Variants in UBXN4 observed in about 807,000 individuals in gnomAD.
UBXN4 encodes the protein UBX domain protein 4, also known as UBX domain-containing protein 4.
UBXN4 carries 35 observed loss-of-function variants against 66.2 expected under a neutral mutation model. That is an observed-to-expected ratio of 0.53 (90% confidence interval 0.40 to 0.70). The LOEUF (loss-of-function observed/expected upper bound fraction) is 0.70. Ranked by LOEUF, UBXN4 falls within the 30% of genes least tolerant of loss-of-function variation. UBXN4 has a pLI of 0.00. For missense variants in UBXN4, 533 were observed against 599.8 expected (o/e 0.89, Z 1.16); for synonymous variants, 203 against 204.5 (o/e 0.99, Z 0.06).
At chr2:135,774,772 G>T (rs969278999) in intron 9 of UBXN4, among the ~76,000 whole-genome samples, 1 of 151,920 alleles carries the variant, frequency 6.6e-6, no homozygotes, top group African/African-American at 2.4e-5. Flanking sequence ...TTGAACCAGG[G>T]AGGCGGAGGT....
Position 135,783,160 on chromosome 2 carries a change from TTTAG to T in UBXN4, c.*275_*278del, listed in dbSNP as rs930567725. 3.7e-6 allele frequency: 1 copy of T among 268,424 alleles called. No homozygotes were observed. Among genetic ancestry groups the T allele is most frequent in the African/African-American group, 2.2e-5 (1 of 45,916 alleles). The allele number at this position is 268,424 out of a possible 1,614,324, so 16.6% of individuals were successfully genotyped here. On this transcript the variant is annotated 3_prime_UTR_variant, in exon 13 of 13. Coordinates refer to ENST00000272638, the MANE Select transcript of UBXN4 (RefSeq NM_014607.4). The stretch of plus-strand genomic sequence containing the variant: ...ACAGCCTGCCTCCATCAGCTTCTTA[TTTAG>T]TATTTCATATGCCCATTAGCCCTAT...
Position 135,741,915 on chromosome 2 carries a change from G to T in UBXN4, c.-15G>T. 1 of 1,609,728 alleles carries T rather than the reference G, an allele frequency of 6.2e-7. No homozygotes were observed. The highest frequency in any genetic ancestry group is 8.5e-7 in the Non-Finnish European group (1 of 1,178,372). ...AGACTACACACCGAGCGAGCGCCTG[G>T]GCCCGAAGGGAGCGATGCTGTGGTT... On this transcript the variant is annotated 5_prime_UTR_variant, in exon 1 of 13. Transcript: ENST00000272638.
chr2:135,755,757 T>C (rs2077275954), intron 5 of UBXN4, 66 bp downstream of exon 5: 2 of 992,864 alleles, frequency 2.0e-6, no homozygotes, highest in South Asian at 4.5e-5. Context: ...TATTTAAATA[T>C]TAATATTTTA....
At position 135,755,735 on chromosome 2, in the gene UBXN4, A is replaced by G. The variant is rs778637201; in HGVS notation, c.508+44A>G. 4.1e-6 allele frequency: 5 copies of G among 1,222,716 alleles called. No individual in the cohort carries two copies. The South Asian group carries it at 1.1e-4, about 26-fold the overall frequency. 75.7% of individuals were successfully genotyped at this position (1,222,716 alleles called of 1,614,324 possible). On this transcript the variant is annotated intron_variant, in intron 5 of 12. Transcript: ENST00000272638. ...TTTTGAGTGCAATAGAAGCTCCTTC[A>G]CTACATTTTAATATTTAAATATTAA...
At chr2:135,772,776 C>T (rs934293936) in intron 9 of UBXN4, among the ~76,000 whole-genome samples, 5 of 150,490 alleles carry the variant, frequency 3.3e-5, no homozygotes, top group African/African-American at 1.2e-4. Context: ...CGGTGGCTCA[C>T]GCCTGTAATC....
intron 11 of UBXN4, among the ~76,000 whole-genome samples, chr2:135,779,624 C>T (rs538997427): frequency 6.6e-5 from 10 of 152,060 alleles, no homozygotes; most frequent in South Asian, 6.2e-4. Context: ...AGTTAGCTCT[C>T]CAGTAATCAG....
At chr2:135,754,092 C>G (rs576228455) in intron 3 of UBXN4, 67 bp from the exon 4 acceptor site, 1 of 1,087,178 alleles carries the variant, frequency 9.2e-7, no homozygotes, top group Non-Finnish European at 1.4e-6. Context: ...TCCTTTGTTA[C>G]CAATAGTGTT....
chr2:135,741,906 G>C lies in UBXN4; in HGVS notation c.-24G>C, dbSNP rs760420570. On this transcript the variant is annotated 5_prime_UTR_variant, in exon 1 of 13. Coordinates refer to ENST00000272638, the MANE Select transcript of UBXN4 (RefSeq NM_014607.4). The stretch of plus-strand genomic sequence containing the variant: ...GGACTGCGGAGACTACACACCGAGC[G>C]AGCGCCTGGGCCCGAAGGGAGCGAT... 4 of 1,605,218 alleles carry C rather than the reference G, an allele frequency of 2.5e-6. No homozygotes were observed.
intron 12 of UBXN4, 135 bp from the exon 13 acceptor site, chr2:135,782,604 AATGGTCTCCC>A: frequency 2.2e-6 from 2 of 914,496 alleles, no homozygotes; most frequent in Non-Finnish European, 3.4e-6. Flanking sequence ...TAGTAGATAT[AATGGTCTCCC>A]ATGGACTTTC....
chr2:135,742,864 TC>T (rs1471896896), intron 1 of UBXN4: 1 of 152,026 alleles, frequency 6.6e-6, no homozygotes, highest in African/African-American at 2.4e-5. Context: ...CTTGGTTTCT[TC>T]CCTTTGTTGT....
At chr2:135,772,118 A>G (rs1449424139) in intron 8 of UBXN4, among the ~76,000 whole-genome samples, 2 of 152,092 alleles carry the variant, frequency 1.3e-5, no homozygotes, top group Non-Finnish European at 2.9e-5. Context: ...CCAGGAGTAT[A>G]AGATCAGCCT....
At chr2:135,765,930 A>G (rs1315960541) in intron 6 of UBXN4, among the ~76,000 whole-genome samples, 1 of 152,034 alleles carries the variant, frequency 6.6e-6, no homozygotes, top group Non-Finnish European at 1.5e-5. Flanking sequence ...AGGTAGGTGG[A>G]TCAACTGAGG....
chr2:135,760,259 A>G (rs2077306934), intron 5 of UBXN4, among the ~76,000 whole-genome samples: 1 of 151,960 alleles, frequency 6.6e-6, no homozygotes, highest in South Asian at 2.1e-4. Context: ...GACAAAACCC[A>G]GTCTCCATAC....
In UBXN4 at chr2:135,772,116, A is replaced by G. The variant is rs377360072; in HGVS notation, c.823-304A>G. ...GGGAGGATTGCTTGAAGCCAGGAGTATAAGATCAGCCTGGGCAACAAAGTG... is the reference window on the plus strand; with the variant it reads ...GGGAGGATTGCTTGAAGCCAGGAGTGTAAGATCAGCCTGGGCAACAAAGTG... On this transcript the variant is annotated intron_variant, in intron 8 of 12. Transcript: ENST00000272638. Among the ~76,000 whole-genome samples, 44 of 151,764 alleles carry G rather than the reference A, an allele frequency of 2.9e-4. 1 individual carries two copies. The South Asian group carries it at 7.1e-3, about 24-fold the overall frequency.
rs1338218732 is a variant in UBXN4, at chr2:135,784,287, A to T, written c.*1400A>T. 6.6e-6 allele frequency: 1 copy of T among 152,184 alleles called. No homozygotes were observed. The highest frequency in any genetic ancestry group is 1.9e-4 in the East Asian group (1 of 5,202). The allele number at this position is 152,184 out of a possible 1,614,324, so 9.4% of individuals were successfully genotyped here. A position where few individuals can be genotyped will look rare whatever the true frequency, so the allele number is the denominator to read the frequency against. On this transcript the variant is annotated 3_prime_UTR_variant, in exon 13 of 13. Transcript: ENST00000272638. ...GAAACCAACTAAATGCCTTCTATAG[A>T]AGTAATTTTTGATGAGGAGAAATGG...
At chr2:135,749,458 T>G (rs1266444891) in intron 2 of UBXN4, among the ~76,000 whole-genome samples, 1 of 152,210 alleles carries the variant, frequency 6.6e-6, no homozygotes, top group African/African-American at 2.4e-5. Flanking sequence ...ATGAAAGTAA[T>G]GTAACAGTGT....
intron 6 of UBXN4, among the ~76,000 whole-genome samples, chr2:135,768,432 C>T (rs112416251): frequency 2.0e-5 from 3 of 152,032 alleles, no homozygotes; most frequent in East Asian, 1.9e-4. Context: ...CTCCTGACCT[C>T]GTGATCTGCC....
intron 1 of UBXN4, among the ~76,000 whole-genome samples, chr2:135,747,348 CAAAAAAAAAAAAAA>C (rs138276089): frequency 1.2e-5 from 1 of 83,514 alleles, no homozygotes; most frequent in East Asian, 3.6e-4. Context: ...AACTCCATCT[CAAAAAAAAAAAAAA>C]AAAAAAAAAA....
At chr2:135,762,258 A>G (rs2077320060) in intron 6 of UBXN4, among the ~76,000 whole-genome samples, 1 of 152,176 alleles carries the variant, frequency 6.6e-6, no homozygotes, top group African/African-American at 2.4e-5. Flanking sequence ...TTTCATGACT[A>G]TGTACTGAGC....
Sources: allele counts gnomAD v4.1 joint callset (sites outside exome capture counted in the v4.1 genomes callset), GRCh38; gene constraint gnomAD v4.1.1; transcripts MANE v1.5; gene names NCBI Gene and HGNC (gene_info 2026-07-23, HGNC 2026-07-21).